The following CCSER1 variants were observed in gnomAD, a reference collection of about 807,000 sequenced individuals.
The protein encoded by CCSER1 is serine-rich coiled-coil domain-containing protein 1.
In CCSER1, 41 loss-of-function variants were observed where a neutral mutation model predicts 82.0. That is an observed-to-expected ratio of 0.50 (90% confidence interval 0.39 to 0.65). CCSER1 has a LOEUF of 0.65. CCSER1 is among the 30% of genes least tolerant of loss of function. The pLI is 0.00. For synonymous variants in CCSER1, 414 were observed against 383.9 expected (o/e 1.08, Z -0.92); for missense variants, 1,119 against 1,064.2 (o/e 1.05, Z -0.72).
At chr4:90,501,334 C>A (rs1202246145) in intron 5 of CCSER1, among the ~76,000 whole-genome samples, 1 of 152,086 alleles carries the variant, frequency 6.6e-6, no homozygotes, top group Non-Finnish European at 1.5e-5. Flanking sequence ...CTAGATCTTG[C>A]AATTAACGAT....
At chr4:90,413,390 A>G (rs1298071314) in intron 4 of CCSER1, among the ~76,000 whole-genome samples, 1 of 152,176 alleles carries the variant, frequency 6.6e-6, no homozygotes, top group Non-Finnish European at 1.5e-5. Flanking sequence ...CAATCTACAA[A>G]TTCAGTGCAA....
intron 9 of CCSER1, among the ~76,000 whole-genome samples, chr4:90,974,951 GA>G (rs987782326): frequency 1.3e-5 from 2 of 151,204 alleles, no homozygotes; most frequent in Non-Finnish European, 3.0e-5. Context: ...GCCAAATGTG[GA>G]AATAATACAA....
chr4:90,924,973 C>T (rs879568130), intron 9 of CCSER1, among the ~76,000 whole-genome samples: 26 of 152,262 alleles, frequency 1.7e-4, no homozygotes, highest in Middle Eastern at 3.4e-3. Flanking sequence ...ATGATCCACG[C>T]GCCTTAGCCT....
At chr4:90,687,876 A>G (rs1735105499) in intron 6 of CCSER1, among the ~76,000 whole-genome samples, 1 of 152,130 alleles carries the variant, frequency 6.6e-6, no homozygotes, top group African/African-American at 2.4e-5. Context: ...ACTTTTCTGG[A>G]AAACAAGAGA....
intron 1 of CCSER1, among the ~76,000 whole-genome samples, chr4:90,158,437 A>G (rs1054643722): frequency 6.6e-6 from 1 of 152,176 alleles, no homozygotes; most frequent in African/African-American, 2.4e-5. Flanking sequence ...AAGTCTGCAG[A>G]GGTTACTGCT....
At chr4:91,371,748 A>C (rs542916692) in intron 10 of CCSER1, among the ~76,000 whole-genome samples, 1 of 152,316 alleles carries the variant, frequency 6.6e-6, no homozygotes. Context: ...GGAGTCTCAT[A>C]AATCAAAATA....
At chr4:91,059,403 GGTTT>G (rs1174871596) in intron 9 of CCSER1, among the ~76,000 whole-genome samples, 12 of 122,212 alleles carry the variant, frequency 9.8e-5, no homozygotes, top group African/African-American at 3.1e-5. Context: ...GTTATTTTGT[GGTTT>G]GTTTTTGTTG....
At chr4:90,410,162 A>C (rs1028625039) in intron 4 of CCSER1, among the ~76,000 whole-genome samples, 1 of 152,196 alleles carries the variant, frequency 6.6e-6, no homozygotes, top group Non-Finnish European at 1.5e-5. Flanking sequence ...AGAGACATAG[A>C]TTCCCACACA....
chr4:91,408,483 C>A (rs1752837753), intron 10 of CCSER1, among the ~76,000 whole-genome samples: 1 of 152,154 alleles, frequency 6.6e-6, no homozygotes, highest in Admixed American at 6.5e-5. Context: ...TACATCCAAC[C>A]TTTTAAAATA....
intron 1 of CCSER1, among the ~76,000 whole-genome samples, chr4:90,236,220 C>T (rs755173545): frequency 1.4e-4 from 21 of 152,138 alleles, no homozygotes; most frequent in African/African-American, 4.6e-4. Context: ...TAAGCCACTG[C>T]GCCTGGCTAA....
chr4:90,487,402 A>C (rs969907574), intron 5 of CCSER1, among the ~76,000 whole-genome samples: 1 of 152,230 alleles, frequency 6.6e-6, no homozygotes, highest in African/African-American at 2.4e-5. Flanking sequence ...TCATAAGTGC[A>C]CTTCCCTGAC....
intron 8 of CCSER1, among the ~76,000 whole-genome samples, chr4:90,871,853 G>A (rs1247605082): frequency 6.6e-6 from 1 of 151,644 alleles, no homozygotes; most frequent in Non-Finnish European, 1.5e-5. Flanking sequence ...AGTGTTGGGT[G>A]CATATATATA....
intron 10 of CCSER1, among the ~76,000 whole-genome samples, chr4:91,354,309 G>C (rs1748675355): frequency 6.6e-6 from 1 of 152,178 alleles, no homozygotes; most frequent in African/African-American, 2.4e-5. Context: ...CATAGACTGG[G>C]AAGCCCAGAA....
chr4:90,967,890 T>C lies in CCSER1; in HGVS notation c.2172+44443T>C, dbSNP rs1268101580. Among the ~76,000 whole-genome samples, 3 of 151,986 alleles carry C rather than the reference T, an allele frequency of 2.0e-5. No homozygotes were observed. In the East Asian group the frequency reaches 5.8e-4, roughly 29 times the overall value. On this transcript the variant is annotated intron_variant, in intron 9 of 10. Coordinates refer to ENST00000509176, the MANE Select transcript of CCSER1 (RefSeq NM_001145065.2). ...CCCAATGGGATAAATAATCCAAAAA[T>C]AGACACACTGAAAAAAGTAAGAAGA...
chr4:91,107,925 C>T (rs907001597), intron 10 of CCSER1: 1 of 152,068 alleles, frequency 6.6e-6, no homozygotes, highest in African/African-American at 2.4e-5. Flanking sequence ...TTGCCTGAAA[C>T]AAGCAGTTTG....
intron 9 of CCSER1, among the ~76,000 whole-genome samples, chr4:90,989,482 A>G (rs1176891446): frequency 6.6e-6 from 1 of 151,786 alleles, no homozygotes; most frequent in African/African-American, 2.4e-5. Context: ...ATTAGAAAAA[A>G]TAGGTAAAGT....
At chr4:90,413,486 T>G (rs566098446) in intron 4 of CCSER1, among the ~76,000 whole-genome samples, 2 of 152,122 alleles carry the variant, frequency 1.3e-5, no homozygotes, top group African/African-American at 4.8e-5. Context: ...AGAGCTCACA[T>G]AGCCAAAGCA....
chr4:90,364,037 A>C (rs1745846041), intron 3 of CCSER1, among the ~76,000 whole-genome samples: 1 of 152,118 alleles, frequency 6.6e-6, no homozygotes, highest in African/African-American at 2.4e-5. Context: ...GCAAGAAAAA[A>C]AAGTAGGAAA....
intron 6 of CCSER1, among the ~76,000 whole-genome samples, chr4:90,648,268 G>GAA (rs796974490): frequency 0.054 from 6,158 of 114,788 alleles, 874 homozygotes; most frequent in Middle Eastern, 0.12. Context: ...AAGAAAGAAA[G>GAA]AGAGAGAGAA....
Sources: gnomAD v4.1 joint callset for allele counts (sites outside exome capture counted in the v4.1 genomes callset) on GRCh38, gnomAD v4.1.1 for gene constraint, MANE v1.5 for transcripts, NCBI Gene and HGNC (gene_info 2026-07-23, HGNC 2026-07-21) for gene names.